The following NWD2 variants were observed in gnomAD, a reference collection of about 807,000 sequenced individuals.
The protein encoded by NWD2 is NACHT and WD repeat domain-containing protein 2.
NWD2 carries 37 observed loss-of-function variants against 132.7 expected under a neutral mutation model. That is an observed-to-expected ratio of 0.28 (90% CI 0.21 to 0.37). NWD2 has a LOEUF of 0.37. Among genes scored for constraint, NWD2 ranks in the 10% least tolerant of loss-of-function variants. The pLI is 1.00. For missense variants in NWD2, 1,592 were observed against 2,122.4 expected (o/e 0.75, Z 4.91); for synonymous variants, 705 against 803.0 (o/e 0.88, Z 2.06).
intron 1 of NWD2, among the ~76,000 whole-genome samples, chr4:37,297,618 A>C (rs1421353726): frequency 1.3e-5 from 2 of 152,200 alleles, no homozygotes; most frequent in African/African-American, 4.8e-5. Context: ...TGGATCATGT[A>C]TTGCATTCAG....
intron 2 of NWD2, among the ~76,000 whole-genome samples, chr4:37,355,600 A>C (rs1033432714): frequency 2.6e-5 from 4 of 152,194 alleles, no homozygotes; most frequent in African/African-American, 9.7e-5. Flanking sequence ...ACAACTGGGA[A>C]CATTTACTTT....
At position 37,445,191 on chromosome 4, in the gene NWD2, C is replaced by A; in HGVS notation, c.3203C>A (p.Ala1068Asp). ...ATYINGFTLS[A>D]NHALAWLEAS... ...TACATCAATGGATTTACACTGTCCG[C>A]CAACCACGCCCTTGCATGGCTCGAA... Residue 1068 changes from alanine (A) to aspartate (D), a missense_variant, in exon 7 of 7, where the codon GCC (alanine) becomes GAC (aspartate). Ala to Asp is a moderately radical substitution (Grantham distance 126). Around this residue, in one of 7 missense-constraint regions of NWD2, gnomAD observed 1,071 missense variants for 1,398.0 expected, o/e 0.77. Coordinates refer to ENST00000309447, the MANE Select transcript of NWD2 (RefSeq NM_001144990.2). This position sits in a 1 kb window ranked among gnomAD's most constrained non-coding sequence, Gnocchi z 4.7. 1 of 1,551,932 alleles carries A rather than the reference C, an allele frequency of 6.4e-7. No individual in the cohort carries two copies. Among genetic ancestry groups the A allele is most frequent in the Non-Finnish European group, 8.7e-7 (1 of 1,147,056 alleles).
At chr4:37,284,522 T>C (rs1398075558) in intron 1 of NWD2, among the ~76,000 whole-genome samples, 1 of 152,228 alleles carries the variant, frequency 6.6e-6, no homozygotes, top group African/African-American at 2.4e-5. Flanking sequence ...CCAGTGCCTG[T>C]TGGAGTCCCC....
intron 3 of NWD2, among the ~76,000 whole-genome samples, chr4:37,369,698 G>A (rs190106250): frequency 6.6e-6 from 1 of 152,280 alleles, no homozygotes; most frequent in East Asian, 1.9e-4. Flanking sequence ...GATGTAATAG[G>A]TCAAATGCAA....
intron 3 of NWD2, among the ~76,000 whole-genome samples, chr4:37,404,327 G>GA (rs1720953662): frequency 6.6e-6 from 1 of 152,178 alleles, no homozygotes; most frequent in African/African-American, 2.4e-5. Context: ...AATTGCCTCT[G>GA]AAAAGCACTC....
At chr4:37,404,784 A>C (rs1014317695) in intron 3 of NWD2, among the ~76,000 whole-genome samples, 8 of 152,206 alleles carry the variant, frequency 5.3e-5, no homozygotes, top group Non-Finnish European at 1.2e-4. Flanking sequence ...GGCAGAAGGC[A>C]AAGGAGGAGC....
intron 1 of NWD2, among the ~76,000 whole-genome samples, chr4:37,252,343 T>C (rs187725041): frequency 1.3e-5 from 2 of 152,342 alleles, no homozygotes; most frequent in East Asian, 3.9e-4. Context: ...TATACATGAC[T>C]TTGCAGTTTA....
chr4:37,325,879 G>T, intron 1 of NWD2, 57 bp from the exon 2 acceptor site: 2 of 1,012,378 alleles, frequency 2.0e-6, no homozygotes, highest in East Asian at 5.4e-5. Context: ...TCATTTTTTT[G>T]CCAGAAACAT....
intron 1 of NWD2, among the ~76,000 whole-genome samples, chr4:37,320,521 T>A (rs1560394055): frequency 6.6e-6 from 1 of 151,656 alleles, no homozygotes; most frequent in South Asian, 2.1e-4. Context: ...GTGAAAATAG[T>A]GGCCAAATTT....
At chr4:37,325,300 T>C (rs920320367) in intron 1 of NWD2, among the ~76,000 whole-genome samples, 2 of 152,166 alleles carry the variant, frequency 1.3e-5, no homozygotes, top group African/African-American at 4.8e-5. Flanking sequence ...GTATGACATA[T>C]GTAAAATAGT....
At chr4:37,277,841 T>C (rs548040900) in intron 1 of NWD2, among the ~76,000 whole-genome samples, 1 of 152,266 alleles carries the variant, frequency 6.6e-6, no homozygotes, top group African/African-American at 2.4e-5. Flanking sequence ...TGTATTTTTA[T>C]ATTTTTCCCT....
chr4:37,265,996 A>G (rs1427920581), intron 1 of NWD2, among the ~76,000 whole-genome samples: 2 of 152,080 alleles, frequency 1.3e-5, no homozygotes, highest in African/African-American at 4.8e-5. Context: ...AGAACACTAC[A>G]GTCTTCCTCT....
intron 3 of NWD2, among the ~76,000 whole-genome samples, chr4:37,396,799 G>A (rs1422230190): frequency 2.0e-4 from 31 of 152,186 alleles, no homozygotes; most frequent in African/African-American, 7.0e-4. Flanking sequence ...TTGGAAGGCC[G>A]AGGCGGGTGG....
rs114431536 is a variant in NWD2 at position 37,348,376 on chromosome 4, C to A, written c.241-7990C>A. On this transcript the variant is annotated intron_variant, in intron 2 of 6. Transcript: ENST00000309447. ...GACAAGCCACACAAACATCACAGAG[C>A]AGAACCTGCCCTGATTCTTGCTCTC... Among the ~76,000 whole-genome samples the A allele has an allele frequency of 3.1e-3, 478 of 151,852 alleles. 4 individuals are homozygous for A. The highest frequency in any genetic ancestry group is 0.011 in the African/African-American group (461 of 41,450).
intron 3 of NWD2, among the ~76,000 whole-genome samples, chr4:37,424,479 G>T (rs1711932132): frequency 6.6e-6 from 1 of 152,010 alleles, no homozygotes; most frequent in African/African-American, 2.4e-5. Context: ...CATATATGAA[G>T]GAAAATTATG....
chr4:37,381,716 AG>A (rs1402760907), intron 3 of NWD2, among the ~76,000 whole-genome samples: 2 of 152,222 alleles, frequency 1.3e-5, no homozygotes, highest in African/African-American at 4.8e-5. Context: ...CCAACTTCAG[AG>A]GTTCTGTACC....
Position 37,446,554 on chromosome 4 carries a change from C to T in NWD2, c.4566C>T (p.Asn1522=), listed in dbSNP as rs1209494266. ...GTCGGCGCGTGCAACTTCCAAACAA[C>T]TTCTTGAAAAATCTGGAGGACTTTG... ...VICRRVQLPN[N]FLKNLEDFEI... The change falls in exon 7 of 7, where the codon AAC becomes AAT. Residue 1522 remains asparagine, a synonymous_variant. Transcript: ENST00000309447. The surrounding 1 kb of genome is among the most constrained non-coding windows in gnomAD (Gnocchi z 6.7). 1.7e-5 allele frequency: 26 copies of T among 1,551,610 alleles called. No homozygotes were observed. Among genetic ancestry groups the T allele is most frequent in the Admixed American group, 5.9e-5 (3 of 50,976 alleles).
chr4:37,341,583 A>C (rs1304052197), intron 2 of NWD2, among the ~76,000 whole-genome samples: 1 of 152,166 alleles, frequency 6.6e-6, no homozygotes, highest in African/African-American at 2.4e-5. Context: ...GGAGCTCATA[A>C]ATCAGGTCAT....
intron 1 of NWD2, among the ~76,000 whole-genome samples, chr4:37,285,501 A>G (rs1485496494): frequency 3.9e-5 from 6 of 152,094 alleles, no homozygotes; most frequent in Non-Finnish European, 7.4e-5. Flanking sequence ...GTCCTCGTTG[A>G]TAATTTTTAT....
Sources: gnomAD v4.1 joint callset for allele counts (sites outside exome capture counted in the v4.1 genomes callset) on GRCh38, gnomAD v4.1.1 for gene constraint, gnomAD v4.1.1 regional missense constraint, Gnocchi (gnomAD v3.1) non-coding constraint, MANE v1.5 for transcripts, NCBI Gene and HGNC (gene_info 2026-07-23, HGNC 2026-07-21) for gene names.